The following ZNF804A variants were observed in gnomAD, a reference collection of about 807,000 sequenced individuals.
The protein encoded by ZNF804A is zinc finger protein 804A.
ZNF804A carries 2 observed loss-of-function variants against 16.5 expected under a neutral mutation model. The ratio of observed to expected loss-of-function variants is 0.12; its 90% CI spans 0.05 to 0.38. The LOEUF is 0.38. ZNF804A is among the 10% of genes least tolerant of loss of function. ZNF804A has a pLI of 0.99. For missense variants in ZNF804A, 1,473 were observed against 1,390.7 expected (o/e 1.06, Z -0.94); for synonymous variants, 534 against 489.6 (o/e 1.09, Z -1.20).
intron 1 of ZNF804A, among the ~76,000 whole-genome samples, chr2:184,631,482 A>G (rs138507605): frequency 6.8e-4 from 104 of 152,266 alleles, no homozygotes; most frequent in African/African-American, 2.5e-3. Flanking sequence ...ATCTTTTGCT[A>G]TGATTGATTC....
At chr2:184,778,386 T>A (rs1156508490) in intron 1 of ZNF804A, among the ~76,000 whole-genome samples, 4 of 151,532 alleles carry the variant, frequency 2.6e-5, no homozygotes, top group African/African-American at 7.3e-5. Context: ...TTACTTTTTG[T>A]TGGGTGTACA....
chr2:184,694,195 TA>T (rs1692781916), intron 1 of ZNF804A, among the ~76,000 whole-genome samples: 1 of 151,130 alleles, frequency 6.6e-6, no homozygotes, highest in Admixed American at 6.6e-5. Flanking sequence ...ATGATCCACC[TA>T]CCTTGGCCTC....
chr2:184,852,766 A>G (rs1695626710), intron 1 of ZNF804A, among the ~76,000 whole-genome samples: 1 of 151,696 alleles, frequency 6.6e-6, no homozygotes, highest in Non-Finnish European at 1.5e-5. Flanking sequence ...GTAAATGTGT[A>G]TATTTATTTC....
At chr2:184,837,678 T>A (rs1211946357) in intron 1 of ZNF804A, among the ~76,000 whole-genome samples, 2 of 152,046 alleles carry the variant, frequency 1.3e-5, no homozygotes, top group African/African-American at 4.8e-5. Flanking sequence ...TGAAGAAAAA[T>A]ATTATGATCT....
intron 1 of ZNF804A, among the ~76,000 whole-genome samples, chr2:184,702,230 A>G (rs1692930990): frequency 6.6e-6 from 1 of 152,026 alleles, no homozygotes; most frequent in Admixed American, 6.6e-5. Flanking sequence ...ATCTATGATC[A>G]TTTCCTTCAA....
chr2:184,742,858 A>C (rs1693730527), intron 1 of ZNF804A, among the ~76,000 whole-genome samples: 1 of 151,928 alleles, frequency 6.6e-6, no homozygotes, highest in South Asian at 2.1e-4. Flanking sequence ...GTAGGAGTCT[A>C]ATAGGAACAG....
intron 1 of ZNF804A, among the ~76,000 whole-genome samples, chr2:184,784,329 C>T (rs1694417258): frequency 6.6e-6 from 1 of 151,890 alleles, no homozygotes. Flanking sequence ...ATTTATCTAT[C>T]TATTAATACC....
intron 1 of ZNF804A, among the ~76,000 whole-genome samples, chr2:184,811,724 CA>C (rs1694905796): frequency 6.6e-6 from 1 of 151,746 alleles, no homozygotes; most frequent in Admixed American, 6.6e-5. Context: ...ACACTATCTC[CA>C]AAAAAGTAAT....
At chr2:184,804,107 C>T (rs186371235) in intron 1 of ZNF804A, among the ~76,000 whole-genome samples, 1 of 151,990 alleles carries the variant, frequency 6.6e-6, no homozygotes. Flanking sequence ...CTCTTGATCT[C>T]CCCACCTCGG....
At chr2:184,659,732 T>C (rs1249488526) in intron 1 of ZNF804A, among the ~76,000 whole-genome samples, 2 of 152,186 alleles carry the variant, frequency 1.3e-5, no homozygotes, top group Non-Finnish European at 2.9e-5. Context: ...ATTTCCTGTA[T>C]ATACATAACT....
chr2:184,852,227 CT>C (rs376901617), intron 1 of ZNF804A, among the ~76,000 whole-genome samples: 2 of 98,512 alleles, frequency 2.0e-5, no homozygotes, highest in Non-Finnish European at 4.5e-5. Flanking sequence ...AATGCGGTCT[CT>C]TTCTCTCTCT....
intron 1 of ZNF804A, among the ~76,000 whole-genome samples, chr2:184,815,498 A>G (rs1694970347): frequency 6.6e-6 from 1 of 151,824 alleles, no homozygotes; most frequent in African/African-American, 2.4e-5. Flanking sequence ...TAGTAAAATA[A>G]TATTATAAAT....
chr2:184,839,928 C>A (rs1002457691), intron 1 of ZNF804A, among the ~76,000 whole-genome samples: 2 of 152,046 alleles, frequency 1.3e-5, no homozygotes, highest in Non-Finnish European at 2.9e-5. Flanking sequence ...GGACCATAAC[C>A]GACCCCTTCA....
chr2:184,720,165 G>A (rs1183267616), intron 1 of ZNF804A, among the ~76,000 whole-genome samples: 2 of 152,054 alleles, frequency 1.3e-5, no homozygotes, highest in African/African-American at 4.8e-5. Flanking sequence ...GAGACTCATT[G>A]ACTATCATGA....
chr2:184,634,468 C>T (rs1370230646), intron 1 of ZNF804A, among the ~76,000 whole-genome samples: 2 of 151,876 alleles, frequency 1.3e-5, no homozygotes, highest in Admixed American at 1.3e-4. Flanking sequence ...CCAATGTAAT[C>T]ACAAGGATCC....
intron 1 of ZNF804A, among the ~76,000 whole-genome samples, chr2:184,700,560 T>TAAAA (rs1692902828): frequency 6.6e-6 from 1 of 152,088 alleles, no homozygotes; most frequent in Non-Finnish European, 1.5e-5. Flanking sequence ...AAATGACTTA[T>TAAAA]GAACTGACAT....
intron 1 of ZNF804A, among the ~76,000 whole-genome samples, chr2:184,738,217 G>C (rs926608512): frequency 2.0e-5 from 3 of 151,620 alleles, no homozygotes; most frequent in Non-Finnish European, 2.9e-5. Context: ...ATACTGATTA[G>C]TGGCAAGGCA....
In ZNF804A at chr2:184,938,724, G is replaced by C. The variant is rs779259895; in HGVS notation, c.3328G>C (p.Ala1110Pro). 1 of 1,607,030 alleles carries C rather than the reference G, an allele frequency of 6.2e-7. No individual in the cohort carries two copies. Among genetic ancestry groups the C allele is most frequent in the Non-Finnish European group, 8.5e-7 (1 of 1,176,696 alleles). ...TGTTTTGCAGCAGCACGCTGCAGCTGCTGCAGCTGCAGCTGCAGCCGCAGC... is the reference window on the plus strand; with the variant it reads ...TGTTTTGCAGCAGCACGCTGCAGCTCCTGCAGCTGCAGCTGCAGCCGCAGC... The part of the protein sequence containing the change: ...HTVLQQHAAA[A>P]AAAAAAAAAG... Residue 1110 changes from alanine (A) to proline (P), a missense_variant, in exon 4 of 4, where the codon GCT becomes CCT. Coordinates refer to ENST00000302277, the MANE Select transcript of ZNF804A (RefSeq NM_194250.2).
intron 1 of ZNF804A, among the ~76,000 whole-genome samples, chr2:184,854,322 C>A (rs1193030700): frequency 2.6e-5 from 4 of 151,952 alleles, no homozygotes; most frequent in Non-Finnish European, 5.9e-5. Context: ...CAGCTTCTTG[C>A]AGCTGTGAAA....
Sources: gnomAD v4.1 joint callset for allele counts (sites outside exome capture counted in the v4.1 genomes callset) on GRCh38, gnomAD v4.1.1 for gene constraint, MANE v1.5 for transcripts, NCBI Gene and HGNC (gene_info 2026-07-23, HGNC 2026-07-21) for gene names.